Variants in CCDC30 observed in about 807,000 individuals in gnomAD.
CCDC30 encodes coiled-coil domain containing 30.
In CCDC30, 70 loss-of-function variants were observed where a neutral mutation model predicts 100.2. That is an observed-to-expected ratio of 0.70 (90% confidence interval 0.58 to 0.85). The LOEUF (loss-of-function observed/expected upper bound fraction) is 0.85. Ranked by LOEUF, CCDC30 falls within the 40% of genes least tolerant of loss-of-function variation. CCDC30 has a pLI of 0.00. For missense variants in CCDC30, 652 were observed against 771.2 expected (o/e 0.85, Z 1.83); for synonymous variants, 233 against 269.5 (o/e 0.86, Z 1.33).
intron 9 of CCDC30, 83 bp from the exon 14 acceptor site, chr1:42,589,237 AT>A (rs369684366): frequency 7.6e-6 from 8 of 1,058,940 alleles, no homozygotes; most frequent in South Asian, 3.7e-5. Flanking sequence ...AAAAAAAAAA[AT>A]CCCTTGTGAT....
chr1:42,637,099 G>A (rs1647175474), intron 11 of CCDC30, 138 bp from the exon 16 acceptor site: 1 of 644,830 alleles, frequency 1.6e-6, no homozygotes, highest in Non-Finnish European at 2.6e-6. Flanking sequence ...GAAGATGTGA[G>A]GCAGGATAAG....
At chr1:42,599,009 G>GACCTAATAT (rs1646348896) in intron 10 of CCDC30, among the ~76,000 whole-genome samples, 1 of 152,024 alleles carries the variant, frequency 6.6e-6, no homozygotes, top group African/African-American at 2.4e-5. Flanking sequence ...TTAGAGAGAA[G>GACCTAATAT]GGAAACAAAA....
At chr1:42,567,561 G>A (rs531282174) in intron 7 of CCDC30, among the ~76,000 whole-genome samples, 13 of 152,234 alleles carry the variant, frequency 8.5e-5, no homozygotes, top group Middle Eastern at 3.4e-3. Flanking sequence ...CTCGTATTCC[G>A]GGATTATTTG....
At chr1:42,510,676 G>A (rs1016544506) in intron 6 of CCDC30, among the ~76,000 whole-genome samples, 4 of 151,584 alleles carry the variant, frequency 2.6e-5, no homozygotes, top group Admixed American at 2.6e-4. Flanking sequence ...AAAAAATGTG[G>A]AAAGCTTCTA....
the CCDC30 span, among the ~76,000 whole-genome samples, chr1:42,458,092 G>A: frequency 6.6e-6 from 1 of 152,164 alleles, no homozygotes; most frequent in Admixed American, 6.5e-5. Context: ...GCTTTGGTAA[G>A]GCTGGAGAGC....
chr1:42,597,827 T>C (rs1313269865), intron 10 of CCDC30, among the ~76,000 whole-genome samples: 2 of 145,800 alleles, frequency 1.4e-5, no homozygotes, highest in African/African-American at 2.6e-5. Context: ...ATCATGCCAC[T>C]GCATTCCAGC....
At chr1:42,614,319 A>T (rs1646683692) in intron 11 of CCDC30, among the ~76,000 whole-genome samples, 1 of 151,640 alleles carries the variant, frequency 6.6e-6, no homozygotes. Flanking sequence ...TGACCTCGTG[A>T]TCCACCCGCC....
chr1:42,534,748 A>G (rs1644864062), intron 6 of CCDC30: 3 of 152,230 alleles, frequency 2.0e-5, no homozygotes, highest in Admixed American at 2.0e-4. Context: ...AAATCTCTTA[A>G]GGATCCAAGA....
chr1:42,640,774 A>G (rs918519224), intron 12 of CCDC30, among the ~76,000 whole-genome samples: 1 of 151,930 alleles, frequency 6.6e-6, no homozygotes, highest in Non-Finnish European at 1.5e-5. Flanking sequence ...GGCACCTATA[A>G]TGTCAGCTAC....
chr1:42,490,164 C>A, exon 4 of CCDC30: 6 of 1,167,966 alleles, frequency 5.1e-6, no homozygotes, highest in Admixed American at 4.2e-5. Context: ...TTAGATTCTG[C>A]ACTTAAGAAG....
At chr1:42,573,373 T>C (rs1261316787) in intron 7 of CCDC30, among the ~76,000 whole-genome samples, 4 of 152,170 alleles carry the variant, frequency 2.6e-5, no homozygotes, top group Non-Finnish European at 5.9e-5. Flanking sequence ...ATATTTTCCA[T>C]ACTATTATAA....
At chr1:42,511,343 C>T (rs939383434) in intron 6 of CCDC30, among the ~76,000 whole-genome samples, 1 of 152,130 alleles carries the variant, frequency 6.6e-6, no homozygotes, top group Non-Finnish European at 1.5e-5. Context: ...TCAGGAAATA[C>T]TATGTAATAG....
chr1:42,501,294 G>A (rs1234094919), intron 6 of CCDC30, among the ~76,000 whole-genome samples: 1 of 152,166 alleles, frequency 6.6e-6, no homozygotes, highest in Non-Finnish European at 1.5e-5. Flanking sequence ...ATTTCCTTAT[G>A]GATTAAGGTT....
chr1:42,572,164 C>T (rs1350677959), intron 7 of CCDC30, among the ~76,000 whole-genome samples: 1 of 152,216 alleles, frequency 6.6e-6, no homozygotes, highest in African/African-American at 2.4e-5. Flanking sequence ...TCTACATCCT[C>T]ACCAACTCTT....
exon 17 of CCDC30, chr1:42,654,077 C>T (rs751664910): frequency 7.2e-6 from 10 of 1,383,096 alleles, no homozygotes; most frequent in Middle Eastern, 1.8e-4. Flanking sequence ...AATTTAAAGC[C>T]TGGACAAAAG....
the CCDC30 span, chr1:42,457,065 A>G: frequency 1.0e-5 from 16 of 1,596,228 alleles, no homozygotes; most frequent in Admixed American, 5.0e-5. Flanking sequence ...CAGGCACTCA[A>G]TCCGCTAGGT....
intron 6 of CCDC30, among the ~76,000 whole-genome samples, chr1:42,541,519 CCTT>C (rs1645011639): frequency 6.6e-6 from 1 of 152,164 alleles, no homozygotes; most frequent in South Asian, 2.1e-4. Flanking sequence ...AATGTTGTAT[CCTT>C]CTCAGTGTAT....
chr1:42,519,047 T>G (rs1331211330), intron 6 of CCDC30, among the ~76,000 whole-genome samples: 1 of 152,230 alleles, frequency 6.6e-6, no homozygotes, highest in Non-Finnish European at 1.5e-5. Flanking sequence ...TATATGGGTG[T>G]TTTTCTGTTC....
At chr1:42,542,822 G>A (rs1403315934) in intron 6 of CCDC30, 1 of 113,510 alleles carries the variant, frequency 8.8e-6, no homozygotes, top group Non-Finnish European at 2.1e-5. Context: ...CAAAGTGCTG[G>A]GATTACAGGC....
Sources: gnomAD v4.1 joint callset for allele counts (sites outside exome capture counted in the v4.1 genomes callset) on GRCh38, gnomAD v4.1.1 for gene constraint, MANE v1.5 for transcripts, NCBI Gene and HGNC (gene_info 2026-07-23, HGNC 2026-07-21) for gene names.